Variants in FOXA2 observed in about 807,000 individuals in gnomAD.
FOXA2 encodes forkhead box A2.
FOXA2 carries 9 observed loss-of-function variants against 33.3 expected under a neutral mutation model. The observed-to-expected ratio is 0.27, with a 90% CI of 0.16 to 0.47. The LOEUF is 0.47. FOXA2 is among the 20% of genes least tolerant of loss of function. The probability of loss-of-function intolerance (pLI) is 0.99; values close to 1 mark genes in which losing one functional copy is unlikely to be tolerated. For synonymous variants in FOXA2, 329 were observed against 289.4 expected, an observed-to-expected ratio of 1.14 and a Z score of -1.39; for missense variants, 704 against 659.9, an observed-to-expected ratio of 1.07 and a Z score of -0.73.
chr20:22,582,977 C>T lies in FOXA2; in HGVS notation c.265G>A (p.Gly89Ser), dbSNP rs776729449. ...CCCATGCCCGCCATGGCGCCCGCGC[C>T]GGGGGACATCCCCGCCAGGGACGGG... ...MSPSLAGMSP[G>S]AGAMAGMGGS... The change falls in exon 2 of 2, where the codon GGC becomes AGC. Residue 89 changes from glycine to serine, a missense_variant. By Grantham distance (56) the Gly-to-Ser change is moderately conservative. Around this residue, in one of 5 missense-constraint regions of FOXA2, gnomAD observed 304 missense variants for 251.7 expected, o/e 1.21. Coordinates refer to ENST00000419308, the MANE Select transcript of FOXA2 (RefSeq NM_021784.5). The T allele has an allele frequency of 4.4e-6, 7 of 1,604,068 alleles. No individual in the cohort carries two copies. The highest frequency in any genetic ancestry group is 1.1e-5 in the South Asian group (1 of 90,770).
intron 1 of FOXA2, 93 bp from the exon 2 acceptor site, chr20:22,583,247 C>G: frequency 7.2e-7 from 1 of 1,395,226 alleles, no homozygotes; most frequent in South Asian, 1.2e-5. Flanking sequence ...CCTCCGCGTC[C>G]GGGGAGGCCT....
At chr20:22,584,854 C>T (rs977912094), upstream of FOXA2, among the ~76,000 whole-genome samples, 1 of 152,110 alleles carries the variant, frequency 6.6e-6, no homozygotes, top group African/African-American at 2.4e-5. Flanking sequence ...TGAGAGGTAG[C>T]CGCAGCCGGC....
Position 22,583,047 on chromosome 20 carries a change from G to A in FOXA2, c.195C>T (p.Ser65=), listed in dbSNP as rs774809716. Residue 65 remains serine, a synonymous_variant, in exon 2 of 2, where the codon AGC becomes AGT. Transcript: ENST00000419308. ...AAMGSGSGNM[S]AGSMNMSSYV... is the part of the protein sequence containing the mutation. ...ACGACGACATGTTCATGGAGCCCGCGCTCATGTTGCCCGAGCCGCTGCCCA... is the reference window on the plus strand; with the variant it reads ...ACGACGACATGTTCATGGAGCCCGCACTCATGTTGCCCGAGCCGCTGCCCA... The A allele has an allele frequency of 4.3e-6, 7 of 1,610,022 alleles. No homozygotes were observed. The South Asian group carries it at 6.6e-5, about 15-fold the overall frequency.
intron 1 of FOXA2, among the ~76,000 whole-genome samples, chr20:22,583,768 C>T (rs990485351): frequency 1.3e-5 from 2 of 152,138 alleles, no homozygotes; most frequent in Non-Finnish European, 2.9e-5. Flanking sequence ...CTGAGCTTTG[C>T]AGGCAAAAAC....
rs1242714222 is a variant in FOXA2 at position 22,584,309 on chromosome 20, C to A, written c.-31G>T. Reference sequence around the variant, plus strand: ...TTTAAAATTTAACAGCCACAACAAACGACCAGCAATCACCCCCCACCCCCA... The same window carrying A: ...TTTAAAATTTAACAGCCACAACAAAAGACCAGCAATCACCCCCCACCCCCA... On this transcript the variant is annotated 5_prime_UTR_variant, in exon 1 of 2. Coordinates refer to ENST00000419308, the MANE Select transcript of FOXA2 (RefSeq NM_021784.5). 3.8e-6 allele frequency: 6 copies of A among 1,590,998 alleles called. No homozygotes were observed. The highest frequency in any genetic ancestry group is 4.3e-6 in the Non-Finnish European group (5 of 1,160,328).
At position 22,581,460 on chromosome 20, in the gene FOXA2, A is replaced by AGTT. The variant is rs111405491; in HGVS notation, c.*389_*390insAAC. ...GGTTTTACACCGAGTCACTCACAAA[A>AGTT]TTTTTTTTTTTTTTTAAGTAAGACT... On this transcript the variant is annotated 3_prime_UTR_variant, in exon 2 of 2. Coordinates refer to ENST00000419308, the MANE Select transcript of FOXA2 (RefSeq NM_021784.5). 5 of 155,052 alleles carry AGTT rather than the reference A, an allele frequency of 3.2e-5. No individual in the cohort carries two copies. Among genetic ancestry groups the AGTT allele is most frequent in the East Asian group, 3.7e-4 (2 of 5,384 alleles). 9.6% of individuals were successfully genotyped at this position (155,052 alleles called of 1,614,324 possible). A position where few individuals can be genotyped will look rare whatever the true frequency, so the allele number is the denominator to read the frequency against.
rs1159798926 is a variant in FOXA2, at chr20:22,582,215, G to T, written c.1027C>A (p.Pro343Thr). 1 of 1,542,298 alleles carries T rather than the reference G, an allele frequency of 6.5e-7. No individual in the cohort carries two copies. The highest frequency in any genetic ancestry group is 2.5e-5 in the East Asian group (1 of 40,816). The change falls in exon 2 of 2, where the codon CCC becomes ACC. Residue 343 changes from proline (P) to threonine (T), a missense_variant. Pro to Thr is a conservative substitution (Grantham distance 38, BLOSUM62 -1). Transcript: ENST00000419308. ...GCCTGCTGCTGCTGCCCGGGAGAGG[G>T]CGCCGGCTCTGGGGGGCTCAGCGCC... Reference protein sequence around the residue: ...AAALSPPEPAPSPGQQQQAAA... With the variant: ...AAALSPPEPATSPGQQQQAAA...
rs2122992357 is a variant in FOXA2, at chr20:22,582,369, A to G, written c.873T>C (p.Ala291=). Residue 291 remains alanine, a synonymous_variant, in exon 2 of 2, where the codon GCT becomes GCC. Transcript: ENST00000419308. ...CCGGCCCGGCGGCCTCCCCGAGTTG[A>G]GCCTGTGAGGCCTGGGCTCCGGCGG... The part of the protein sequence containing the change: ...KAAAGAQASQ[A]QLGEAAGPAS... The G allele has an allele frequency of 6.6e-7, 1 of 1,509,102 alleles. No homozygotes were observed. The highest frequency in any genetic ancestry group is 8.8e-7 in the Non-Finnish European group (1 of 1,137,474). 93.5% of individuals were successfully genotyped at this position (1,509,102 alleles called of 1,614,324 possible).
chr20:22,581,857 G>C lies in FOXA2; in HGVS notation c.1385C>G (p.Ser462Cys), dbSNP rs1394431695. The C allele has an allele frequency of 6.2e-7, 1 of 1,607,928 alleles. No homozygotes were observed. Among genetic ancestry groups the C allele is most frequent in the East Asian group, 2.2e-5 (1 of 44,662 alleles). ...QGVYSRPIMN[S>C]S is the part of the protein sequence containing the mutation. ...CCTGAAGCCGTCGTCTTCTTAAGAG[G>C]AGTTCATAATGGGCCGGGAGTACAC... Residue 462 changes from serine (S) to cysteine (C), a missense_variant, in exon 2 of 2, where the codon TCC (serine) becomes TGC (cysteine). Physicochemically the swap from Ser to Cys is moderately radical, Grantham distance 112. This residue lies in a region of FOXA2 where 343 missense variants were observed against 274.8 expected (regional missense o/e 1.25). Coordinates refer to ENST00000419308, the MANE Select transcript of FOXA2 (RefSeq NM_021784.5).
At position 22,582,390 on chromosome 20, in the gene FOXA2, G is replaced by C. The variant is rs938060179; in HGVS notation, c.852C>G (p.Ala284=). Residue 284 remains alanine, a synonymous_variant, in exon 2 of 2, where the codon GCC becomes GCG. Coordinates refer to ENST00000419308, the MANE Select transcript of FOXA2 (RefSeq NM_021784.5). ...GAAGSGKKAA[A]GAQASQAQLG... is the part of the protein sequence containing the mutation. ...GTTGAGCCTGTGAGGCCTGGGCTCC[G>C]GCGGCCGCCTTCTTGCCGCTGCCGG... 6.5e-7 allele frequency: 1 copy of C among 1,545,194 alleles called. No individual in the cohort carries two copies. Among genetic ancestry groups the C allele is most frequent in the Non-Finnish European group, 8.7e-7 (1 of 1,152,514 alleles).
Position 22,584,388 on chromosome 20 carries a change from T to C in FOXA2, c.-110A>G, listed in dbSNP as rs1600435251. 9.0e-5 allele frequency: 67 copies of C among 744,204 alleles called. No homozygotes were observed. The East Asian group carries it at 2.4e-3, about 26-fold the overall frequency. The allele number at this position is 744,204 out of a possible 1,614,324, so 46.1% of individuals were successfully genotyped here. On this transcript the variant is annotated 5_prime_UTR_variant, in exon 1 of 2. Transcript: ENST00000419308. Reference sequence around the variant, plus strand: ...CACCGTCCCCTCCTCCCTCCCTCTCTCGCGCTCCCTCTCCCTGGGCTCCAC... The same window carrying C: ...CACCGTCCCCTCCTCCCTCCCTCTCCCGCGCTCCCTCTCCCTGGGCTCCAC...
In FOXA2 at chr20:22,582,551, C is replaced by T; in HGVS notation, c.691G>A (p.Asp231Asn). 1 of 1,614,106 alleles carries T rather than the reference C, an allele frequency of 6.2e-7. No individual in the cohort carries two copies. The highest frequency in any genetic ancestry group is 8.5e-7 in the Non-Finnish European group (1 of 1,180,014). The change falls in exon 2 of 2, where the codon GAC (aspartate) becomes AAC (asparagine). Residue 231 changes from aspartate (D) to asparagine (N), a missense_variant. Coordinates refer to ENST00000419308, the MANE Select transcript of FOXA2 (RefSeq NM_021784.5). Reference sequence around the variant, plus strand: ...CAGAAGGAGCCCTTGCCGGGCTTGTCGGGCGAGCGGGGCACCTTCAGGAAA... The same window carrying T: ...CAGAAGGAGCCCTTGCCGGGCTTGTTGGGCGAGCGGGGCACCTTCAGGAAA... ...DCFLKVPRSP[D>N]KPGKGSFWTL...
chr20:22,581,241 A>C lies in FOXA2; in HGVS notation c.*609T>G, dbSNP rs547223520. The stretch of plus-strand genomic sequence containing the variant: ...GTGGAACTCTGGCCCTTGCAGCCAG[A>C]ATACACATTTATAAGCCATAAATAA... On this transcript the variant is annotated 3_prime_UTR_variant, in exon 2 of 2. Transcript: ENST00000419308. The C allele has an allele frequency of 6.5e-6, 1 of 152,822 alleles. No individual in the cohort carries two copies. Among genetic ancestry groups the C allele is most frequent in the Non-Finnish European group, 1.5e-5 (1 of 68,066 alleles). The allele number at this position is 152,822 out of a possible 1,614,324, so 9.5% of individuals were successfully genotyped here. A position where few individuals can be genotyped will look rare whatever the true frequency, so the allele number is the denominator to read the frequency against.
intron 1 of FOXA2, among the ~76,000 whole-genome samples, chr20:22,583,881 C>A (rs1408146147): frequency 6.6e-6 from 1 of 152,194 alleles, no homozygotes; most frequent in Non-Finnish European, 1.5e-5. Context: ...GCCGGCCGAC[C>A]TCCCACCCCT....
Position 22,581,698 on chromosome 20 carries a change from T to C in FOXA2, c.*152A>G, listed in dbSNP as rs1359199093. On this transcript the variant is annotated 3_prime_UTR_variant, in exon 2 of 2. Coordinates refer to ENST00000419308, the MANE Select transcript of FOXA2 (RefSeq NM_021784.5). ...GGCTGCAGCGGGTGAAGAAGACTGCTGTCTTGGGGGTGTTGGGGTGGGGGT... is the reference window on the plus strand; with the variant it reads ...GGCTGCAGCGGGTGAAGAAGACTGCCGTCTTGGGGGTGTTGGGGTGGGGGT... 5.2e-5 allele frequency: 36 copies of C among 689,874 alleles called. No individual in the cohort carries two copies. The allele number at this position is 689,874 out of a possible 1,614,324, so 42.7% of individuals were successfully genotyped here.
At chr20:22,585,308 C>T (rs1309431362), upstream of FOXA2, 1 of 152,326 alleles carries the variant, frequency 6.6e-6, no homozygotes, top group African/African-American at 2.4e-5. Context: ...CTGCGAGGCC[C>T]CTCCCTGTTA....
rs773232660 is a variant in FOXA2, at chr20:22,584,299, C to T, written c.-21G>A. ...TGCATGGCAGTTTAAAATTTAACAG[C>T]CACAACAAACGACCAGCAATCACCC... On this transcript the variant is annotated 5_prime_UTR_variant, in exon 1 of 2. Coordinates refer to ENST00000419308, the MANE Select transcript of FOXA2 (RefSeq NM_021784.5). 1.9e-6 allele frequency: 3 copies of T among 1,606,168 alleles called. No individual in the cohort carries two copies. Among genetic ancestry groups the T allele is most frequent in the Non-Finnish European group, 2.6e-6 (3 of 1,173,376 alleles).
In FOXA2 at chr20:22,582,561, G is replaced by A. The variant is rs1440688815; in HGVS notation, c.681C>T (p.Pro227=). The change falls in exon 2 of 2, where the codon CCC becomes CCT. Residue 227 remains proline (P), a synonymous_variant. Transcript: ENST00000419308. ...CCTTGCCGGGCTTGTCGGGCGAGCGGGGCACCTTCAGGAAACAGTCGTTGA... is the reference window on the plus strand; with the variant it reads ...CCTTGCCGGGCTTGTCGGGCGAGCGAGGCACCTTCAGGAAACAGTCGTTGA... ...LSFNDCFLKV[P]RSPDKPGKGS... 52 of 1,614,042 alleles carry A rather than the reference G, an allele frequency of 3.2e-5. No individual in the cohort carries two copies. Among genetic ancestry groups the A allele is most frequent in the Non-Finnish European group, 4.3e-5 (51 of 1,180,048 alleles).
In FOXA2 at chr20:22,582,723, G is replaced by A. The variant is rs369460581; in HGVS notation, c.519C>T (p.Leu173=). ...HAKPPYSYIS[L]ITMAIQQSPN... ...GGCTCTGCTGGATGGCCATGGTGAT[G>A]AGCGAGATGTACGAGTAGGGCGGCT... The change falls in exon 2 of 2, where the codon CTC becomes CTT. Residue 173 remains leucine (L), a synonymous_variant. Transcript: ENST00000419308. 1 of 1,614,166 alleles carries A rather than the reference G, an allele frequency of 6.2e-7. No homozygotes were observed. The highest frequency in any genetic ancestry group is 8.5e-7 in the Non-Finnish European group (1 of 1,180,026).
Sources: gnomAD v4.1 joint callset for allele counts (sites outside exome capture counted in the v4.1 genomes callset) on GRCh38, gnomAD v4.1.1 for gene constraint, gnomAD v4.1.1 regional missense constraint, MANE v1.5 for transcripts, NCBI Gene and HGNC (gene_info 2026-07-23, HGNC 2026-07-21) for gene names.